The following SND1 variants were observed in gnomAD, a reference collection of about 807,000 sequenced individuals.
SND1 encodes the protein staphylococcal nuclease and tudor domain containing 1, also known as staphylococcal nuclease domain-containing protein 1.
In SND1, 38 loss-of-function variants were observed where a neutral mutation model predicts 121.7. The observed-to-expected ratio is 0.31, with a 90% confidence interval of 0.24 to 0.41. The LOEUF (loss-of-function observed/expected upper bound fraction) is 0.41. SND1 is among the 10% of genes least tolerant of loss of function. The pLI is 1.00. For synonymous variants in SND1, 401 were observed against 447.4 expected (o/e 0.90, Z 1.31); for missense variants, 868 against 1,184.6 (o/e 0.73, Z 3.92).
In SND1 at chr7:127,699,004, C is replaced by T. The variant is rs771636451; in HGVS notation, c.428+51C>T. The T allele has an allele frequency of 6.1e-6, 9 of 1,470,194 alleles. No homozygotes were observed. In the Admixed American group the frequency reaches 1.4e-4, roughly 23 times the overall value. 91.1% of individuals were successfully genotyped at this position (1,470,194 alleles called of 1,614,324 possible). On this transcript the variant is annotated intron_variant, in intron 4 of 23. Transcript: ENST00000354725. ...CTCTGACAGCGGTAAATTGGCTTTG[C>T]TGCATTTTTCATTCTTGCCCCCAGA...
At chr7:127,992,998 T>A (rs1318285822) in intron 16 of SND1, among the ~76,000 whole-genome samples, 2 of 152,222 alleles carry the variant, frequency 1.3e-5, no homozygotes, top group Non-Finnish European at 2.9e-5. Flanking sequence ...CTTTCTTGAT[T>A]ATAGTGGCCC....
intron 1 of SND1, among the ~76,000 whole-genome samples, chr7:127,678,249 T>A (rs1170986852): frequency 6.6e-6 from 1 of 152,214 alleles, no homozygotes; most frequent in Non-Finnish European, 1.5e-5. Flanking sequence ...CAAAAGTTAC[T>A]TTACCTCTCT....
chr7:127,698,975 G>A, intron 4 of SND1, 22 bp downstream of exon 4: 1 of 1,598,088 alleles, frequency 6.3e-7, no homozygotes. Context: ...TTACTCCGCT[G>A]TCTCTCTGAC....
intron 2 of SND1, among the ~76,000 whole-genome samples, chr7:127,691,889 C>T (rs1479990987): frequency 6.6e-6 from 1 of 151,314 alleles, no homozygotes; most frequent in Non-Finnish European, 1.5e-5. Flanking sequence ...GTCTTGGCCT[C>T]CCAAAGTGTT....
In SND1 at chr7:128,086,955, C is replaced by T; in HGVS notation, c.2322C>T (p.Ser774=). 1 of 1,614,156 alleles carries T rather than the reference C, an allele frequency of 6.2e-7. No homozygotes were observed. Among genetic ancestry groups the T allele is most frequent in the Non-Finnish European group, 8.5e-7 (1 of 1,180,010 alleles). ...IDYGNREVLP[S]TRLGTLSPAF... is the part of the protein sequence containing the mutation. ...CTCTGCAGAGAGAGGTCCTGCCATC[C>T]ACCCGCCTGGGTACCCTATCACCTG... Residue 774 remains serine, a synonymous_variant, in exon 21 of 24, where the codon TCC becomes TCT. Coordinates refer to ENST00000354725, the MANE Select transcript of SND1 (RefSeq NM_014390.4).
At chr7:127,804,344 CAT>C (rs1377179909) in intron 10 of SND1, among the ~76,000 whole-genome samples, 39 of 152,150 alleles carry the variant, frequency 2.6e-4, no homozygotes, top group African/African-American at 8.7e-4. Context: ...TCATGAGAGA[CAT>C]ATAATCAGAC....
chr7:128,051,113 G>GAGCTTCCCAC (rs1793038942), intron 16 of SND1, among the ~76,000 whole-genome samples: 1 of 152,200 alleles, frequency 6.6e-6, no homozygotes, highest in Admixed American at 6.5e-5. Flanking sequence ...CTTGCTTCCA[G>GAGCTTCCCAC]AGCTTCCCAC....
intron 15 of SND1, among the ~76,000 whole-genome samples, chr7:127,975,717 G>A (rs1802103820): frequency 6.6e-6 from 1 of 152,174 alleles, no homozygotes; most frequent in African/African-American, 2.4e-5. Flanking sequence ...CATGTGAAGG[G>A]TGTGAGGCTG....
At chr7:127,992,487 G>A (rs2116918820) in intron 16 of SND1, among the ~76,000 whole-genome samples, 1 of 152,328 alleles carries the variant, frequency 6.6e-6, no homozygotes, top group African/African-American at 2.4e-5. Context: ...AAAAGCAGGT[G>A]AGTCTGTTCA....
intron 1 of SND1, among the ~76,000 whole-genome samples, chr7:127,658,050 T>G (rs1313670791): frequency 6.6e-6 from 1 of 152,160 alleles, no homozygotes; most frequent in Admixed American, 6.5e-5. Context: ...ATCCCAGCAC[T>G]GTAATCCCAT....
chr7:127,681,453 G>T (rs1285573275), intron 1 of SND1, among the ~76,000 whole-genome samples: 1 of 151,940 alleles, frequency 6.6e-6, no homozygotes, highest in African/African-American at 2.4e-5. Flanking sequence ...TTTCTTTCTT[G>T]ATAGTGTCCA....
At chr7:127,685,474 C>T (rs1795796193) in intron 1 of SND1, among the ~76,000 whole-genome samples, 1 of 152,158 alleles carries the variant, frequency 6.6e-6, no homozygotes, top group Non-Finnish European at 1.5e-5. Flanking sequence ...GGCATGAGCC[C>T]CCACCTGTTT....
chr7:127,803,382 C>G (rs1798171687), intron 10 of SND1, among the ~76,000 whole-genome samples: 1 of 152,128 alleles, frequency 6.6e-6, no homozygotes, highest in African/African-American at 2.4e-5. Flanking sequence ...TCACTTCATT[C>G]ATGATGTCTT....
intron 10 of SND1, among the ~76,000 whole-genome samples, chr7:127,778,532 A>G (rs1360319336): frequency 6.6e-6 from 1 of 152,180 alleles, no homozygotes; most frequent in African/African-American, 2.4e-5. Context: ...TTGTCATCTT[A>G]TGGTAATGTC....
At chr7:128,038,371 C>T (rs1263332635) in intron 16 of SND1, among the ~76,000 whole-genome samples, 2 of 152,150 alleles carry the variant, frequency 1.3e-5, no homozygotes, top group South Asian at 2.1e-4. Flanking sequence ...TTACATACCG[C>T]GTATATATAG....
chr7:128,055,010 C>T (rs1435548845), intron 16 of SND1, among the ~76,000 whole-genome samples: 9 of 152,272 alleles, frequency 5.9e-5, no homozygotes, highest in Admixed American at 6.5e-5. Flanking sequence ...GATATCTGCC[C>T]GATCTATTGG....
intron 10 of SND1, among the ~76,000 whole-genome samples, chr7:127,763,473 A>G (rs2116481037): frequency 6.6e-6 from 1 of 152,260 alleles, no homozygotes. Flanking sequence ...CAGCCTTTCA[A>G]GTAGTTAGGA....
At chr7:127,951,143 A>G (rs1045114489) in intron 15 of SND1, among the ~76,000 whole-genome samples, 4 of 152,228 alleles carry the variant, frequency 2.6e-5, no homozygotes, top group African/African-American at 9.6e-5. Flanking sequence ...ACTTATTCAC[A>G]ATAGCCAAGA....
At chr7:128,000,077 TAAAAAAAAA>T (rs746493427) in intron 16 of SND1, 1 of 103,190 alleles carries the variant, frequency 9.7e-6, no homozygotes, top group South Asian at 3.8e-4. Context: ...GAGTGTTCTC[TAAAAAAAAA>T]AAAAAAAAAA....
Sources: gnomAD v4.1 joint callset for allele counts (sites outside exome capture counted in the v4.1 genomes callset) on GRCh38, gnomAD v4.1.1 for gene constraint, MANE v1.5 for transcripts, NCBI Gene and HGNC (gene_info 2026-07-23, HGNC 2026-07-21) for gene names.